The following MIPOL1 variants were observed in gnomAD, a reference collection of about 807,000 sequenced individuals.
MIPOL1 encodes the protein mirror-image polydactyly gene 1 protein.
A neutral mutation model predicts 60.9 loss-of-function variants in MIPOL1; 57 were observed. That is an observed-to-expected ratio of 0.94 (90% CI 0.76 to 1.17). The LOEUF is 1.17. Ranked by LOEUF, MIPOL1 falls within the 50% of genes most tolerant of loss-of-function variation. The pLI is 0.00. For missense variants in MIPOL1, 551 were observed against 511.6 expected (o/e 1.08, Z -0.74); for synonymous variants, 179 against 168.8 (o/e 1.06, Z -0.47).
At chr14:37,337,761 T>C (rs1005493473) in intron 9 of MIPOL1, among the ~76,000 whole-genome samples, 1 of 152,160 alleles carries the variant, frequency 6.6e-6, no homozygotes, top group African/African-American at 2.4e-5. Context: ...GTAAGAGTTC[T>C]TTATATATTC....
chr14:37,235,574 G>T (rs1303871469), intron 1 of MIPOL1, among the ~76,000 whole-genome samples: 8 of 152,060 alleles, frequency 5.3e-5, no homozygotes, highest in Non-Finnish European at 1.2e-4. Flanking sequence ...ATTCTTGTTT[G>T]TGTGTATGTG....
At chr14:37,371,670 A>C (rs1010258015) in intron 10 of MIPOL1, among the ~76,000 whole-genome samples, 2 of 152,144 alleles carry the variant, frequency 1.3e-5, no homozygotes, top group East Asian at 1.9e-4. Flanking sequence ...CATAACACTG[A>C]CTGAATAATT....
intron 11 of MIPOL1, among the ~76,000 whole-genome samples, chr14:37,476,547 A>C (rs1267954595): frequency 6.6e-6 from 1 of 152,184 alleles, no homozygotes; most frequent in Non-Finnish European, 1.5e-5. Flanking sequence ...TCCTACCATT[A>C]AGTATGATAA....
At chr14:37,277,503 A>G (rs969955330) in intron 6 of MIPOL1, 8 of 151,372 alleles carry the variant, frequency 5.3e-5, no homozygotes, top group Non-Finnish European at 5.9e-5. Context: ...GCATATTTTC[A>G]GAAAACTTTT....
chr14:37,274,416 C>G (rs190649938), intron 6 of MIPOL1, among the ~76,000 whole-genome samples: 1 of 151,322 alleles, frequency 6.6e-6, no homozygotes, highest in Non-Finnish European at 1.5e-5. Context: ...GTCATTGTCA[C>G]CATCATTGAT....
chr14:37,246,796 A>G (rs1594716740), intron 1 of MIPOL1, among the ~76,000 whole-genome samples: 2 of 152,202 alleles, frequency 1.3e-5, no homozygotes, highest in Admixed American at 6.5e-5. Context: ...TGATTGTGCA[A>G]TGGGATTACA....
intron 1 of MIPOL1, among the ~76,000 whole-genome samples, chr14:37,244,104 CTTTTTTTTTTTTTTTTTTTTT>C (rs143933758): frequency 1.9e-5 from 1 of 51,588 alleles, no homozygotes; most frequent in Non-Finnish European, 3.4e-5. Flanking sequence ...GACTCACTTC[CTTTTTTTTTTTTTTTTTTTTT>C]TTTTTTTTTT....
chr14:37,356,656 A>C (rs990568076), intron 9 of MIPOL1, among the ~76,000 whole-genome samples: 2 of 152,072 alleles, frequency 1.3e-5, no homozygotes, highest in Admixed American at 6.6e-5. Context: ...TTCGGGTGGG[A>C]GTGACCCGAT....
At chr14:37,469,982 G>A (rs886374704) in intron 11 of MIPOL1, among the ~76,000 whole-genome samples, 1 of 152,166 alleles carries the variant, frequency 6.6e-6, no homozygotes, top group Admixed American at 6.5e-5. Context: ...ATTGAAAGAT[G>A]CAAAGGAGAT....
intron 11 of MIPOL1, among the ~76,000 whole-genome samples, chr14:37,471,499 A>G (rs984310474): frequency 5.9e-5 from 9 of 152,194 alleles, no homozygotes; most frequent in South Asian, 2.1e-4. Context: ...CTGGTGTCTT[A>G]TTAGAGAATG....
chr14:37,500,001 C>A lies in MIPOL1; in HGVS notation c.1125C>A (p.Asn375Lys), dbSNP rs773406977. 1.9e-6 allele frequency: 3 copies of A among 1,613,406 alleles called. No homozygotes were observed. The Admixed American group carries it at 5.0e-5, about 27-fold the overall frequency. ...AAGAAGCTTTAAAAAACAGAGAGAA[C>A]ATTGTTTCCATCACTCAACAACAAA... ...TYEEALKNRE[N>K]IVSITQQQNE... The change falls in exon 12 of 13, where the codon AAC becomes AAA. Residue 375 changes from asparagine (N) to lysine (K), a missense_variant. Asn to Lys is a moderately conservative substitution (Grantham distance 94). Transcript: ENST00000684589.
intron 11 of MIPOL1, among the ~76,000 whole-genome samples, chr14:37,449,230 A>G (rs2094383286): frequency 6.6e-6 from 1 of 152,154 alleles, no homozygotes; most frequent in Non-Finnish European, 1.5e-5. Flanking sequence ...TAAGTTCTGC[A>G]GTTGATATTA....
At chr14:37,534,249 T>C (rs1566787220) in intron 12 of MIPOL1, among the ~76,000 whole-genome samples, 1 of 152,158 alleles carries the variant, frequency 6.6e-6, no homozygotes, top group Non-Finnish European at 1.5e-5. Context: ...CTAACATATT[T>C]CTCACCAAGT....
chr14:37,419,961 A>C (rs1383507528), intron 10 of MIPOL1, among the ~76,000 whole-genome samples: 1 of 151,920 alleles, frequency 6.6e-6, no homozygotes, highest in African/African-American at 2.4e-5. Context: ...GGCTGATCTC[A>C]ACCTCCTGGG....
rs2092316569 is a variant in MIPOL1 at position 37,362,677 on chromosome 14, C to T, written c.829-6840C>T. Among the ~76,000 whole-genome samples the T allele has an allele frequency of 2.0e-5, 3 of 152,150 alleles. 1 individual carries two copies. Among genetic ancestry groups the T allele is most frequent in the Admixed American group, 2.0e-4 (3 of 15,276 alleles). ...TCTGCCTTGCTAGGTTGGGGAAGTT[C>T]TCCTGGATAATATCCTGAAGAGTGT... On this transcript the variant is annotated intron_variant, in intron 9 of 12. Coordinates refer to ENST00000684589, the MANE Select transcript of MIPOL1 (RefSeq NM_001388067.1).
chr14:37,500,005 G>A lies in MIPOL1; in HGVS notation c.1129G>A (p.Val377Ile), dbSNP rs1440076030. Residue 377 changes from valine to isoleucine, a missense_variant, in exon 12 of 13, where the codon GTT (valine) becomes ATT (isoleucine). Physicochemically the swap from Val to Ile is conservative, Grantham distance 29 (BLOSUM62 3). Transcript: ENST00000684589. ...AGCTTTAAAAAACAGAGAGAACATT[G>A]TTTCCATCACTCAACAACAAAATGA... ...EEALKNRENI[V>I]SITQQQNEEL... 1.2e-6 allele frequency: 2 copies of A among 1,613,544 alleles called. No homozygotes were observed. Among genetic ancestry groups the A allele is most frequent in the Admixed American group, 3.3e-5 (2 of 59,984 alleles).
chr14:37,268,942 G>A, intron 5 of MIPOL1, 149 bp downstream of exon 5: 1 of 582,908 alleles, frequency 1.7e-6, no homozygotes, highest in Non-Finnish European at 2.8e-6. Context: ...TGCCATCAGG[G>A]TATGGTTGAG....
chr14:37,547,171 T>C lies in MIPOL1; in HGVS notation c.*200T>C, dbSNP rs909753951. On this transcript the variant is annotated 3_prime_UTR_variant, in exon 13 of 13. Coordinates refer to ENST00000684589, the MANE Select transcript of MIPOL1 (RefSeq NM_001388067.1). ...CTGACTTGAGTTATTTATCCAAATA[T>C]ATTAACTATAGACTTTTACCAATGG... The C allele has an allele frequency of 9.1e-6, 5 of 548,530 alleles. No individual in the cohort carries two copies. Among genetic ancestry groups the C allele is most frequent in the Non-Finnish European group, 1.6e-5 (5 of 308,592 alleles). The allele number at this position is 548,530 out of a possible 1,614,324, so 34.0% of individuals were successfully genotyped here. A position where few individuals can be genotyped will look rare whatever the true frequency, so the allele number is the denominator to read the frequency against.
intron 9 of MIPOL1, among the ~76,000 whole-genome samples, chr14:37,357,151 A>C (rs1309355303): frequency 6.6e-6 from 1 of 152,106 alleles, no homozygotes; most frequent in Non-Finnish European, 1.5e-5. Context: ...ATCATATGGT[A>C]GCTCTATTTT....
Sources: allele counts gnomAD v4.1 joint callset (sites outside exome capture counted in the v4.1 genomes callset), GRCh38; gene constraint gnomAD v4.1.1; transcripts MANE v1.5; gene names NCBI Gene and HGNC (gene_info 2026-07-23, HGNC 2026-07-21).